The following SPSB1 variants were observed in gnomAD, a reference collection of about 807,000 sequenced individuals.
SPSB1 encodes the protein splA/ryanodine receptor domain and SOCS box containing 1.
A neutral mutation model predicts 21.2 loss-of-function variants in SPSB1; 8 were observed. That is an observed-to-expected ratio of 0.38 (90% confidence interval 0.22 to 0.68). The LOEUF (loss-of-function observed/expected upper bound fraction) is 0.68, where lower values mean the gene tolerates loss of function less well. Among genes scored for constraint, SPSB1 ranks in the 30% least tolerant of loss-of-function variants. The probability of loss-of-function intolerance (pLI) is 0.53; values close to 1 mark genes in which losing one functional copy is unlikely to be tolerated. For synonymous variants in SPSB1, 169 were observed against 161.7 expected, an observed-to-expected ratio of 1.05 and a Z score of -0.34; for missense variants, 242 against 377.8, an observed-to-expected ratio of 0.64 and a Z score of 2.98.
At chr1:9,352,553 GC>G (rs1557463561) in intron 1 of SPSB1, among the ~76,000 whole-genome samples, 1 of 152,132 alleles carries the variant, frequency 6.6e-6, no homozygotes, top group African/African-American at 2.4e-5. Context: ...TTACTATCGC[GC>G]CCATTTCAGA....
intron 1 of SPSB1, among the ~76,000 whole-genome samples, chr1:9,330,704 CTT>C (rs5772366): frequency 0.49 from 73,951 of 150,016 alleles, 19,002 homozygotes; most frequent in Middle Eastern, 0.6. Flanking sequence ...TTCTTCTGAA[CTT>C]TTTTTTTTTT....
At position 9,367,327 on chromosome 1, in the gene SPSB1, T is replaced by C. The variant is rs1557469627; in HGVS notation, c.695-121T>C. 11 of 1,539,552 alleles carry C rather than the reference T, an allele frequency of 7.1e-6. No homozygotes were observed. The highest frequency in any genetic ancestry group is 9.7e-6 in the Non-Finnish European group (11 of 1,130,126). On this transcript the variant is annotated intron_variant, in intron 2 of 2. Transcript: ENST00000328089. This position sits in a 1 kb window ranked among gnomAD's most constrained non-coding sequence, Gnocchi z 5.9. ...TTAAAATGAAAAAGCATTGCATTTT[T>C]CATTGTTTCTTTACTGATTTGAGTG... is the stretch of plus-strand genomic sequence containing the variant.
chr1:9,319,499 A>T (rs1434816584), intron 1 of SPSB1, among the ~76,000 whole-genome samples: 1 of 152,032 alleles, frequency 6.6e-6, no homozygotes, highest in African/African-American at 2.4e-5. Flanking sequence ...TGCTGTCCCC[A>T]TGCCTTCCTT....
chr1:9,325,126 G>A (rs1364747257), intron 1 of SPSB1, among the ~76,000 whole-genome samples: 7 of 152,182 alleles, frequency 4.6e-5, no homozygotes, highest in Non-Finnish European at 8.8e-5. Context: ...GAAGCTTCCT[G>A]TGCTCTCACT....
At chr1:9,315,513 T>C (rs1639599199) in intron 1 of SPSB1, among the ~76,000 whole-genome samples, 1 of 152,242 alleles carries the variant, frequency 6.6e-6, no homozygotes, top group Non-Finnish European at 1.5e-5. Flanking sequence ...TCGAGTCACA[T>C]GACGGGGTGG....
At chr1:9,306,032 CG>C (rs2100465127) in intron 1 of SPSB1, among the ~76,000 whole-genome samples, 1 of 152,238 alleles carries the variant, frequency 6.6e-6, no homozygotes, top group Non-Finnish European at 1.5e-5. Flanking sequence ...GGAACGAAGG[CG>C]TGTTGGGGAC....
intron 1 of SPSB1, among the ~76,000 whole-genome samples, chr1:9,315,347 C>T (rs949349037): frequency 2.6e-5 from 4 of 152,254 alleles, no homozygotes; most frequent in Admixed American, 1.3e-4. Context: ...AGGAAGGCAT[C>T]GCAGCAGCAG....
chr1:9,315,162 G>A (rs967071069), intron 1 of SPSB1, among the ~76,000 whole-genome samples: 6 of 152,198 alleles, frequency 3.9e-5, no homozygotes, highest in Non-Finnish European at 8.8e-5. Context: ...TGGGACAAGA[G>A]CTGCACCTGC....
chr1:9,355,750 T>C lies in SPSB1; in HGVS notation c.-142T>C. The stretch of plus-strand genomic sequence containing the variant: ...TGTCTTTCCGTCCATTAGGCAATAC[T>C]GAACACTGCGCAGCTTGCAGAGGTC... On this transcript the variant is annotated 5_prime_UTR_variant, in exon 2 of 3. Coordinates refer to ENST00000328089, the MANE Select transcript of SPSB1 (RefSeq NM_025106.4). 3 of 1,454,706 alleles carry C rather than the reference T, an allele frequency of 2.1e-6. No homozygotes were observed. The highest frequency in any genetic ancestry group is 2.7e-6 in the Non-Finnish European group (3 of 1,104,760). 90.1% of individuals were successfully genotyped at this position (1,454,706 alleles called of 1,614,324 possible).
At chr1:9,302,748 A>T (rs375561812) in intron 1 of SPSB1, among the ~76,000 whole-genome samples, 1 of 152,178 alleles carries the variant, frequency 6.6e-6, no homozygotes, top group South Asian at 2.1e-4. Flanking sequence ...AATACTTTGT[A>T]GGGCTGGGTC....
At chr1:9,360,492 G>A (rs888400102) in intron 2 of SPSB1, among the ~76,000 whole-genome samples, 6 of 152,146 alleles carry the variant, frequency 3.9e-5, no homozygotes, top group East Asian at 1.9e-4. Context: ...CAGCAGAAGC[G>A]CTCAGGAGGC....
Position 9,293,310 on chromosome 1 carries a change from C to T in SPSB1, c.-150+239C>T, listed in dbSNP as rs1240901689. ...GCGGCTCCTGGGAGAGGGGCCCAGG[C>T]CCGCCCCGCGCTGCCGCCGCTGCAG... On this transcript the variant is annotated intron_variant, in intron 1 of 2. Coordinates refer to ENST00000328089, the MANE Select transcript of SPSB1 (RefSeq NM_025106.4). The surrounding 1 kb of genome is among the most constrained non-coding windows in gnomAD (Gnocchi z 5.1). 6.7e-6 allele frequency among the ~76,000 whole-genome samples: 1 copy of T among 148,646 alleles called. No homozygotes were observed. The highest frequency in any genetic ancestry group is 6.7e-5 in the Admixed American group (1 of 15,020).
intron 1 of SPSB1, among the ~76,000 whole-genome samples, chr1:9,306,693 G>A (rs761012033): frequency 1.2e-4 from 19 of 152,132 alleles, no homozygotes; most frequent in African/African-American, 3.1e-4. Context: ...AAAGAGGAGC[G>A]AGGAAGAAAT....
rs1640506498 is a variant in SPSB1, at chr1:9,363,105, AT to A, written c.695-4337del. On this transcript the variant is annotated intron_variant, in intron 2 of 2. Coordinates refer to ENST00000328089, the MANE Select transcript of SPSB1 (RefSeq NM_025106.4). This position sits in a 1 kb window ranked among gnomAD's most constrained non-coding sequence, Gnocchi z 4.5. ...TGACCAGCTGAAATGGGGGCTGGGC[AT>A]TTTTTCACGGCACGAAGCCCACGTC... is the stretch of plus-strand genomic sequence containing the variant. Among the ~76,000 whole-genome samples, 1 of 151,962 alleles carries A rather than the reference AT, an allele frequency of 6.6e-6. No individual in the cohort carries two copies. Among genetic ancestry groups the A allele is most frequent in the Non-Finnish European group, 1.5e-5 (1 of 67,980 alleles).
intron 1 of SPSB1, among the ~76,000 whole-genome samples, chr1:9,342,544 G>A (rs558210102): frequency 1.1e-3 from 169 of 152,302 alleles, no homozygotes; most frequent in African/African-American, 3.6e-3. Context: ...GAAAGTAGGC[G>A]CCTAGGAATC....
At position 9,324,827 on chromosome 1, in the gene SPSB1, T is replaced by A. The variant is rs1324543272; in HGVS notation, c.-149-30916T>A. On this transcript the variant is annotated intron_variant, in intron 1 of 2. Coordinates refer to ENST00000328089, the MANE Select transcript of SPSB1 (RefSeq NM_025106.4). The surrounding 1 kb of genome is among the most constrained non-coding windows in gnomAD (Gnocchi z 4.3). ...GAGCCAACACTGGGCCAGACAGTCG[T>A]GTTTGCGACAAGTCTGTTCGCCTGG... 3.3e-5 allele frequency among the ~76,000 whole-genome samples: 5 copies of A among 152,080 alleles called. No individual in the cohort carries two copies. The highest frequency in any genetic ancestry group is 7.4e-5 in the Non-Finnish European group (5 of 67,984).
rs72642736 is a variant in SPSB1, at chr1:9,317,082, G to A, written c.-150+24011G>A. ...GTGAGGGTTTGCTTCCGGTGCTCTC[G>A]CGAAGGAAAGAGAGAACTCACAAAT... On this transcript the variant is annotated intron_variant, in intron 1 of 2. Transcript: ENST00000328089. The surrounding 1 kb of genome is among the most constrained non-coding windows in gnomAD (Gnocchi z 4.3). Among the ~76,000 whole-genome samples, 1 of 152,094 alleles carries A rather than the reference G, an allele frequency of 6.6e-6. No individual in the cohort carries two copies. Among genetic ancestry groups the A allele is most frequent in the Non-Finnish European group, 1.5e-5 (1 of 68,022 alleles).
chr1:9,346,620 C>G lies in SPSB1; in HGVS notation c.-149-9123C>G, dbSNP rs140967617. On this transcript the variant is annotated intron_variant, in intron 1 of 2. Coordinates refer to ENST00000328089, the MANE Select transcript of SPSB1 (RefSeq NM_025106.4). This position sits in a 1 kb window ranked among gnomAD's most constrained non-coding sequence, Gnocchi z 4.4. ...GTTGTGGCTTTAATTGAAACACCAT[C>G]GGGGGGTTGCCGGCAGGTGCTGTGC... Among the ~76,000 whole-genome samples the G allele has an allele frequency of 6.6e-6, 1 of 152,170 alleles. No homozygotes were observed. Among genetic ancestry groups the G allele is most frequent in the African/African-American group, 2.4e-5 (1 of 41,438 alleles).
intron 1 of SPSB1, among the ~76,000 whole-genome samples, chr1:9,314,926 G>C (rs1463493903): frequency 1.3e-5 from 2 of 152,248 alleles, no homozygotes; most frequent in South Asian, 4.1e-4. Flanking sequence ...CCTGCACACA[G>C]GAGTGGCCTC....
Sources: allele counts gnomAD v4.1 joint callset (sites outside exome capture counted in the v4.1 genomes callset), GRCh38; gene constraint gnomAD v4.1.1; non-coding constraint Gnocchi (gnomAD v3.1); transcripts MANE v1.5; gene names NCBI Gene and HGNC (gene_info 2026-07-23, HGNC 2026-07-21).